The following NEGR1 variants were observed in gnomAD, a reference collection of about 807,000 sequenced individuals.
NEGR1 encodes the protein neuronal growth regulator 1, also known as IgLON family member 4.
Under a neutral mutation model 40.9 loss-of-function variants are expected in NEGR1, and 10 were observed. That is an observed-to-expected ratio of 0.24 (90% CI 0.15 to 0.42). The LOEUF (loss-of-function observed/expected upper bound fraction) is 0.42. Ranked by LOEUF, NEGR1 falls within the 10% of genes least tolerant of loss-of-function variation. NEGR1 has a pLI of 1.00. For synonymous variants in NEGR1, 185 were observed against 166.8 expected (o/e 1.11, Z -0.84); for missense variants, 352 against 438.9 (o/e 0.80, Z 1.77).
chr1:72,158,983 C>A lies in NEGR1; in HGVS notation c.176+123336G>T, dbSNP rs1413460157. Among the ~76,000 whole-genome samples, 3 of 152,062 alleles carry A rather than the reference C, an allele frequency of 2.0e-5. 1 individual carries two copies. Among genetic ancestry groups the A allele is most frequent in the Admixed American group, 2.0e-4 (3 of 15,246 alleles). Reference sequence around the variant, plus strand: ...ATCTAAAATGAAATCAAACACAGTTCTTTGATCCTTGCGAGGCTGAATAAA... The same window carrying A: ...ATCTAAAATGAAATCAAACACAGTTATTTGATCCTTGCGAGGCTGAATAAA... On this transcript the variant is annotated intron_variant, in intron 1 of 6. Transcript: ENST00000357731.
chr1:72,243,947 T>C (rs1255516507), intron 1 of NEGR1, among the ~76,000 whole-genome samples: 2 of 151,832 alleles, frequency 1.3e-5, no homozygotes, highest in Non-Finnish European at 3.0e-5. Flanking sequence ...ATTTTTGTTT[T>C]AGGTTAATAG....
At chr1:72,001,699 T>G (rs1646558869) in intron 1 of NEGR1, among the ~76,000 whole-genome samples, 1 of 150,618 alleles carries the variant, frequency 6.6e-6, no homozygotes, top group Non-Finnish European at 1.5e-5. Flanking sequence ...ACATGCAATC[T>G]TATAGATAGT....
At chr1:72,041,227 A>G (rs1393984697) in intron 1 of NEGR1, among the ~76,000 whole-genome samples, 1 of 151,926 alleles carries the variant, frequency 6.6e-6, no homozygotes, top group Non-Finnish European at 1.5e-5. Flanking sequence ...TATTGTCCTA[A>G]TCATTTGTCC....
At chr1:72,135,324 C>A (rs1306037482) in intron 1 of NEGR1, among the ~76,000 whole-genome samples, 1 of 145,080 alleles carries the variant, frequency 6.9e-6, no homozygotes, top group Non-Finnish European at 1.5e-5. Context: ...TGCAGTGAGC[C>A]GAGATCTCGC....
At chr1:72,113,603 G>A (rs1483232128) in intron 1 of NEGR1, among the ~76,000 whole-genome samples, 1 of 151,566 alleles carries the variant, frequency 6.6e-6, no homozygotes, top group East Asian at 1.9e-4. Context: ...AAAGTAAATA[G>A]AAAAGCAGAT....
At chr1:72,012,636 T>G (rs989164135) in intron 1 of NEGR1, among the ~76,000 whole-genome samples, 3 of 151,982 alleles carry the variant, frequency 2.0e-5, no homozygotes, top group Admixed American at 1.3e-4. Flanking sequence ...GGGCAAGAAC[T>G]TCCCCTGTTT....
intron 1 of NEGR1, among the ~76,000 whole-genome samples, chr1:72,112,266 TA>T (rs34709497): frequency 0.26 from 39,143 of 149,522 alleles, 5,800 homozygotes; most frequent in African/African-American, 0.39. Context: ...CTTTTACGTT[TA>T]AAAAAAAAAT....
Position 71,406,452 on chromosome 1 carries a change from A to G in NEGR1, c.*994T>C, listed in dbSNP as rs546894235. On this transcript the variant is annotated 3_prime_UTR_variant, in exon 7 of 7. Coordinates refer to ENST00000357731, the MANE Select transcript of NEGR1 (RefSeq NM_173808.3). ...GCCCTTTCTGACAAATCATCTTAAA[A>G]TTTTTGGCTTGGACTAGTGAAAGGA... The G allele has an allele frequency of 6.6e-6, 1 of 152,030 alleles. No individual in the cohort carries two copies. Among genetic ancestry groups the G allele is most frequent in the East Asian group, 1.9e-4 (1 of 5,182 alleles). The allele number at this position is 152,030 out of a possible 1,614,324, so 9.4% of individuals were successfully genotyped here. A position where few individuals can be genotyped will look rare whatever the true frequency, so the allele number is the denominator to read the frequency against.
chr1:71,447,823 T>C (rs911383181), intron 6 of NEGR1, among the ~76,000 whole-genome samples: 1 of 152,216 alleles, frequency 6.6e-6, no homozygotes, highest in Non-Finnish European at 1.5e-5. Context: ...ATTGAGTGAA[T>C]GAATGAATGA....
At chr1:72,166,769 C>A (rs567951478) in intron 1 of NEGR1, among the ~76,000 whole-genome samples, 9 of 152,008 alleles carry the variant, frequency 5.9e-5, no homozygotes, top group African/African-American at 1.9e-4. Flanking sequence ...CTGGGGAAGA[C>A]GGATGGATGT....
At chr1:71,461,941 C>G (rs962744641) in intron 6 of NEGR1, 5 of 152,142 alleles carry the variant, frequency 3.3e-5, no homozygotes, top group African/African-American at 1.2e-4. Context: ...CAGTCAACAG[C>G]TCAAGTTGCC....
rs190869269 is a variant in NEGR1 at position 71,724,423 on chromosome 1, C to T, written c.536-26284G>A. On this transcript the variant is annotated intron_variant, in intron 3 of 6. Transcript: ENST00000357731. ...AGGTATAGAAGTGATTTTAATGGTG[C>T]TTTTAACACATGTCAGTTCTGGATC... is the stretch of plus-strand genomic sequence containing the variant. Among the ~76,000 whole-genome samples, 368 of 152,140 alleles carry T rather than the reference C, an allele frequency of 2.4e-3. 6 individuals carry two copies. Among genetic ancestry groups the T allele is most frequent in the Non-Finnish European group, 4.3e-4 (29 of 67,996 alleles).
At chr1:72,172,613 T>C (rs1312286841) in intron 1 of NEGR1, among the ~76,000 whole-genome samples, 1 of 152,184 alleles carries the variant, frequency 6.6e-6, no homozygotes. Context: ...ATTGTAATCG[T>C]TTCCTGTTGT....
At chr1:72,167,121 G>A (rs1296141659) in intron 1 of NEGR1, among the ~76,000 whole-genome samples, 3 of 152,004 alleles carry the variant, frequency 2.0e-5, no homozygotes, top group African/African-American at 7.2e-5. Flanking sequence ...AGTTTCAGAT[G>A]AGATGCAAAA....
chr1:72,059,134 A>G (rs1647141870), intron 1 of NEGR1, among the ~76,000 whole-genome samples: 1 of 151,584 alleles, frequency 6.6e-6, no homozygotes, highest in African/African-American at 2.4e-5. Context: ...TTCAACTTCT[A>G]CTGAATTTAA....
At chr1:71,671,893 C>CTT (rs10708807) in intron 4 of NEGR1, among the ~76,000 whole-genome samples, 11 of 121,582 alleles carry the variant, frequency 9.0e-5, no homozygotes, top group South Asian at 2.7e-4. Flanking sequence ...CTCTCTCTCT[C>CTT]TTTTTTTTTT....
At chr1:71,491,227 T>C (rs1237121678) in intron 6 of NEGR1, among the ~76,000 whole-genome samples, 1 of 151,968 alleles carries the variant, frequency 6.6e-6, no homozygotes, top group African/African-American at 2.4e-5. Context: ...TTATAAGTAG[T>C]CAAGAGATAA....
chr1:71,654,257 T>A (rs1651808001), intron 4 of NEGR1, among the ~76,000 whole-genome samples: 1 of 151,868 alleles, frequency 6.6e-6, no homozygotes, highest in African/African-American at 2.4e-5. Context: ...CTATTCTGTA[T>A]CATACTGTAA....
intron 1 of NEGR1, among the ~76,000 whole-genome samples, chr1:72,026,310 C>T (rs1415693636): frequency 1.3e-5 from 2 of 149,840 alleles, no homozygotes; most frequent in Non-Finnish European, 3.0e-5. Flanking sequence ...TTTTCTAGTT[C>T]GATTAAATGG....
Sources: gnomAD v4.1 joint callset for allele counts (sites outside exome capture counted in the v4.1 genomes callset) on GRCh38, gnomAD v4.1.1 for gene constraint, MANE v1.5 for transcripts, NCBI Gene and HGNC (gene_info 2026-07-23, HGNC 2026-07-21) for gene names.